The following MMP26 variants were observed in gnomAD, a reference collection of about 807,000 sequenced individuals.
MMP26 encodes matrix metalloproteinase-26.
A neutral mutation model predicts 31.0 loss-of-function variants in MMP26; 33 were observed. That is an observed-to-expected ratio of 1.06 (90% CI 0.81 to 1.42). The LOEUF is 1.42. MMP26 is among the 40% of genes most tolerant of loss of function. The probability of loss-of-function intolerance (pLI) is 0.00; values close to 1 mark genes in which losing one functional copy is unlikely to be tolerated. For missense variants in MMP26, 347 were observed against 316.1 expected (o/e 1.10, Z -0.74); for synonymous variants, 122 against 114.9 (o/e 1.06, Z -0.40).
At chr11:4,785,146 C>T (rs552181717) in intron 2 of MMP26, among the ~76,000 whole-genome samples, 74 of 152,258 alleles carry the variant, frequency 4.9e-4, no homozygotes, top group Middle Eastern at 3.4e-3. Context: ...GTAAGATAAC[C>T]AACCATCCCA....
At chr11:4,907,273 C>A in intron 2 of MMP26, 1 of 736,756 alleles carries the variant, frequency 1.4e-6, no homozygotes, top group Non-Finnish European at 2.2e-6. Flanking sequence ...TACGAATGAA[C>A]CCCTTATCCT....
intron 2 of MMP26, chr11:4,848,132 C>T: frequency 5.8e-6 from 7 of 1,206,964 alleles, no homozygotes; most frequent in Non-Finnish European, 8.1e-6. Context: ...CACATATATG[C>T]ACTTATGTGT....
At chr11:4,877,163 G>A (rs769892839) in intron 2 of MMP26, 1 of 152,188 alleles carries the variant, frequency 6.6e-6, no homozygotes, top group Non-Finnish European at 1.5e-5. Context: ...TCTATGGCCT[G>A]TTGGCTGTGA....
intron 2 of MMP26, among the ~76,000 whole-genome samples, chr11:4,878,544 G>A (rs578190562): frequency 1.3e-5 from 2 of 152,060 alleles, no homozygotes; most frequent in East Asian, 3.9e-4. Flanking sequence ...CTGTTCAGAG[G>A]GCTTTTCTGA....
chr11:4,860,381 A>C (rs1299207723), intron 2 of MMP26: 2 of 471,172 alleles, frequency 4.2e-6, no homozygotes, highest in Admixed American at 4.7e-5. Context: ...AGGAAGTAAT[A>C]CGTGGGCTCA....
chr11:4,740,543 C>T (rs1330656802), intron 1 of MMP26, among the ~76,000 whole-genome samples: 1 of 151,876 alleles, frequency 6.6e-6, no homozygotes, highest in Non-Finnish European at 1.5e-5. Context: ...ATTAGCTGGG[C>T]ATGAGGGTGG....
intron 2 of MMP26, among the ~76,000 whole-genome samples, chr11:4,791,268 G>A (rs1304945654): frequency 6.6e-6 from 1 of 152,182 alleles, no homozygotes; most frequent in Non-Finnish European, 1.5e-5. Context: ...AATATTCCAG[G>A]CTAGGCAGCT....
At chr11:4,808,322 G>A (rs1011637544) in intron 2 of MMP26, among the ~76,000 whole-genome samples, 1 of 152,094 alleles carries the variant, frequency 6.6e-6, no homozygotes. Flanking sequence ...AGAGTTTGCT[G>A]TCCTATCATG....
Position 4,779,679 on chromosome 11 carries a change from G to T in MMP26, c.-145+12338G>T, listed in dbSNP as rs557440974. 6.8e-4 allele frequency among the ~76,000 whole-genome samples: 104 copies of T among 152,052 alleles called. 1 individual carries two copies. Among genetic ancestry groups the T allele is most frequent in the Admixed American group, 2.9e-3 (45 of 15,266 alleles). Reference sequence around the variant, plus strand: ...TTGAATTTCTTTCTTCCTTACATTAGTTTAGCTAAGTCCTATTTTTAAGAA... The same window carrying T: ...TTGAATTTCTTTCTTCCTTACATTATTTTAGCTAAGTCCTATTTTTAAGAA... On this transcript the variant is annotated intron_variant, in intron 2 of 7. Coordinates refer to ENST00000380390, the MANE Select transcript of MMP26 (RefSeq NM_021801.5).
chr11:4,887,023 T>C (rs1267890066), intron 2 of MMP26, among the ~76,000 whole-genome samples: 4 of 152,092 alleles, frequency 2.6e-5, no homozygotes, highest in Admixed American at 2.0e-4. Context: ...AGGTTTTCAT[T>C]ATTCCTCCCT....
intron 1 of MMP26, among the ~76,000 whole-genome samples, chr11:4,725,190 C>T (rs1053963449): frequency 3.3e-5 from 5 of 152,144 alleles, no homozygotes; most frequent in Admixed American, 2.6e-4. Context: ...GTAGAACCTG[C>T]AGAACCATGA....
At position 4,992,110 on chromosome 11, in the gene MMP26, A is replaced by T; in HGVS notation, c.742A>T (p.Ile248Phe). The T allele has an allele frequency of 6.2e-7, 1 of 1,613,310 alleles. No individual in the cohort carries two copies. The highest frequency in any genetic ancestry group is 8.5e-7 in the Non-Finnish European group (1 of 1,179,778). The change falls in exon 7 of 8, where the codon ATC (isoleucine) becomes TTC (phenylalanine). Residue 248 changes from isoleucine to phenylalanine, a missense_variant. Transcript: ENST00000380390. ...GCTCAGTGCCGATGATATCCAAAGG[A>T]TCCAGCATTTGTATGGTCTGTGCTG... ...FQLSADDIQR[I>F]QHLYGEKCSS...
chr11:4,722,788 C>T (rs1848033003), intron 1 of MMP26: 6 of 994,376 alleles, frequency 6.0e-6, no homozygotes, highest in Admixed American at 3.4e-5. Context: ...TCGTGGGTCT[C>T]GATATTCTTC....
chr11:4,928,055 G>T (rs929624935), intron 2 of MMP26, among the ~76,000 whole-genome samples: 2 of 152,040 alleles, frequency 1.3e-5, no homozygotes, highest in Non-Finnish European at 2.9e-5. Context: ...GGAGAGGGTC[G>T]AGGGGGGAGA....
intron 2 of MMP26, among the ~76,000 whole-genome samples, chr11:4,773,893 G>T (rs1370308291): frequency 6.6e-6 from 1 of 152,086 alleles, no homozygotes; most frequent in African/African-American, 2.4e-5. Context: ...TGAAGTGTTT[G>T]GTTTTCTGTT....
intron 1 of MMP26, among the ~76,000 whole-genome samples, chr11:4,737,310 T>G (rs567200407): frequency 6.6e-6 from 1 of 152,312 alleles, no homozygotes; most frequent in Non-Finnish European, 1.5e-5. Context: ...ATGATTCTTG[T>G]TTCCTGATTC....
At chr11:4,854,131 C>T (rs1325627601) in intron 2 of MMP26, among the ~76,000 whole-genome samples, 1 of 152,198 alleles carries the variant, frequency 6.6e-6, no homozygotes, top group East Asian at 1.9e-4. Context: ...CAGCTCCAGT[C>T]TATAGCTCCC....
chr11:4,910,530 A>C (rs904428577), intron 2 of MMP26, among the ~76,000 whole-genome samples: 1 of 152,130 alleles, frequency 6.6e-6, no homozygotes, highest in African/African-American at 2.4e-5. Context: ...CTTTAGCAGG[A>C]CATTGCTAGA....
intron 2 of MMP26, chr11:4,832,123 C>A (rs1286599618): frequency 2.0e-5 from 3 of 152,924 alleles, no homozygotes; most frequent in Non-Finnish European, 4.4e-5. Flanking sequence ...AAGCTAGTGA[C>A]CTATCTGTGA....
Sources: allele counts gnomAD v4.1 joint callset (sites outside exome capture counted in the v4.1 genomes callset), GRCh38; gene constraint gnomAD v4.1.1; transcripts MANE v1.5; gene names NCBI Gene and HGNC (gene_info 2026-07-23, HGNC 2026-07-21).